Variants in DSCAM observed in about 807,000 individuals in gnomAD.
The protein encoded by DSCAM is DS cell adhesion molecule.
Under a neutral mutation model 217.7 loss-of-function variants are expected in DSCAM, and 47 were observed. That is an observed-to-expected ratio of 0.22 (90% CI 0.17 to 0.28). The LOEUF (loss-of-function observed/expected upper bound fraction) is 0.28, where lower values mean the gene tolerates loss of function less well. DSCAM is among the 10% of genes least tolerant of loss of function. The pLI is 1.00. For missense variants in DSCAM, 2,080 were observed against 2,618.3 expected (o/e 0.79, Z 4.49); for synonymous variants, 1,056 against 1,015.3 (o/e 1.04, Z -0.76).
intron 3 of DSCAM, among the ~76,000 whole-genome samples, chr21:40,406,388 C>G (rs1487013163): frequency 6.6e-6 from 1 of 152,194 alleles, no homozygotes; most frequent in Non-Finnish European, 1.5e-5. Context: ...AGCCAAGATA[C>G]AGAATCAACC....
chr21:40,834,355 A>C (rs2092037894), intron 1 of DSCAM, among the ~76,000 whole-genome samples: 1 of 150,728 alleles, frequency 6.6e-6, no homozygotes, highest in South Asian at 2.1e-4. Flanking sequence ...TGCAGTGAGC[A>C]GAGATCACGC....
chr21:40,806,477 C>G (rs1221543035), intron 1 of DSCAM, among the ~76,000 whole-genome samples: 1 of 152,134 alleles, frequency 6.6e-6, no homozygotes, highest in African/African-American at 2.4e-5. Flanking sequence ...GCTACACAAG[C>G]GTCTTTGAAT....
chr21:40,749,812 G>A (rs2091210045), intron 1 of DSCAM, among the ~76,000 whole-genome samples: 1 of 152,180 alleles, frequency 6.6e-6, no homozygotes, highest in South Asian at 2.1e-4. Context: ...GCTGAGAGAT[G>A]GAACTGACTT....
intron 1 of DSCAM, among the ~76,000 whole-genome samples, chr21:40,782,004 A>AG (rs964188391): frequency 1.3e-5 from 2 of 149,630 alleles, no homozygotes; most frequent in African/African-American, 4.9e-5. Flanking sequence ...AAAAAAAAAA[A>AG]AAAAAAGAAA....
chr21:40,664,072 T>C (rs1191992670), intron 3 of DSCAM, among the ~76,000 whole-genome samples: 2 of 152,222 alleles, frequency 1.3e-5, no homozygotes, highest in African/African-American at 4.8e-5. Flanking sequence ...GCACAAATAA[T>C]GTATTTCTAT....
chr21:40,592,995 G>T (rs459696), intron 3 of DSCAM, among the ~76,000 whole-genome samples: 101,435 of 152,062 alleles, frequency 0.67, 34,049 homozygotes, highest in African/African-American at 0.72. Context: ...TACATTTGAC[G>T]AAGTTAAATG....
At chr21:40,527,916 CG>C (rs2076412692) in intron 3 of DSCAM, among the ~76,000 whole-genome samples, 1 of 152,092 alleles carries the variant, frequency 6.6e-6, no homozygotes, top group African/African-American at 2.4e-5. Context: ...GAAACAGGAG[CG>C]GATGCTCTAA....
chr21:40,146,001 T>C (rs1338818690), intron 16 of DSCAM, among the ~76,000 whole-genome samples: 1 of 151,450 alleles, frequency 6.6e-6, no homozygotes, highest in Non-Finnish European at 1.5e-5. Context: ...CATGTACATA[T>C]GTATGTATAT....
At chr21:40,668,746 G>A (rs2090233783) in intron 3 of DSCAM, among the ~76,000 whole-genome samples, 1 of 152,164 alleles carries the variant, frequency 6.6e-6, no homozygotes, top group African/African-American at 2.4e-5. Flanking sequence ...ACAGTGAGCT[G>A]CATGTCATAT....
chr21:40,402,145 C>T (rs1009109721), intron 3 of DSCAM, among the ~76,000 whole-genome samples: 3 of 144,094 alleles, frequency 2.1e-5, no homozygotes, highest in Non-Finnish European at 3.0e-5. Context: ...CTGCAAGCTC[C>T]GCCTCCTGGG....
chr21:40,453,040 TTGTGTGTG>T (rs3069917), intron 3 of DSCAM, among the ~76,000 whole-genome samples: 8,579 of 134,278 alleles, frequency 0.064, 303 homozygotes, highest in Non-Finnish European at 0.076. Flanking sequence ...TTTAAAGACT[TTGTGTGTG>T]TGTGTGTGTG....
In DSCAM at chr21:40,473,829, C is replaced by A. The variant is rs950545985; in HGVS notation, c.509-104584G>T. Among the ~76,000 whole-genome samples, 23 of 152,122 alleles carry A rather than the reference C, an allele frequency of 1.5e-4. 1 individual carries two copies. Among genetic ancestry groups the A allele is most frequent in the African/African-American group, 5.6e-4 (23 of 41,406 alleles). On this transcript the variant is annotated intron_variant, in intron 3 of 32. Transcript: ENST00000400454. ...CACACGGAGGACAACCACGTTAGGACACAGAGAGGAGGTGCCATCTACAGT... is the reference window on the plus strand; with the variant it reads ...CACACGGAGGACAACCACGTTAGGAAACAGAGAGGAGGTGCCATCTACAGT...
intron 3 of DSCAM, among the ~76,000 whole-genome samples, chr21:40,405,309 T>C (rs1399042677): frequency 6.6e-6 from 1 of 152,216 alleles, no homozygotes; most frequent in Non-Finnish European, 1.5e-5. Context: ...ATATAATATC[T>C]ATGCATGCAC....
rs374741123 is a variant in DSCAM at position 40,437,996 on chromosome 21, T to A, written c.509-68751A>T. ...GTCTGACCCTATGTCCTACCCTGTA[T>A]TGACCTTGAAGCTGCCTTCTTGCTC... On this transcript the variant is annotated intron_variant, in intron 3 of 32. Transcript: ENST00000400454. 2.5e-3 allele frequency among the ~76,000 whole-genome samples: 383 copies of A among 152,356 alleles called. 5 individuals carry two copies. Among genetic ancestry groups the A allele is most frequent in the African/African-American group, 8.8e-3 (364 of 41,586 alleles).
intron 3 of DSCAM, among the ~76,000 whole-genome samples, chr21:40,449,464 TGAAAA>T (rs1204652804): frequency 1.3e-5 from 2 of 152,166 alleles, no homozygotes; most frequent in African/African-American, 2.4e-5. Flanking sequence ...AAATGAAAGA[TGAAAA>T]GAAAACATCC....
chr21:40,156,287 C>CAGCGAG (rs1367145598), intron 16 of DSCAM, among the ~76,000 whole-genome samples: 1 of 75,700 alleles, frequency 1.3e-5, no homozygotes. Flanking sequence ...CAAACTAAGA[C>CAGCGAG]AGAGAGAGAG....
chr21:40,677,286 T>G (rs2079727746), intron 3 of DSCAM, among the ~76,000 whole-genome samples: 1 of 151,854 alleles, frequency 6.6e-6, no homozygotes, highest in African/African-American at 2.4e-5. Context: ...AGAGTGTGGC[T>G]GAAGGTTTCA....
chr21:40,130,997 C>T (rs753474964), intron 19 of DSCAM, among the ~76,000 whole-genome samples: 4 of 152,252 alleles, frequency 2.6e-5, no homozygotes, highest in East Asian at 3.9e-4. Flanking sequence ...CTTGCAAGAA[C>T]GTTGATAAAC....
chr21:40,476,033 C>T (rs796236043), intron 3 of DSCAM, among the ~76,000 whole-genome samples: 13 of 152,268 alleles, frequency 8.5e-5, no homozygotes, highest in African/African-American at 3.1e-4. Context: ...GTGCTTCACT[C>T]CCATGCTGTA....
Sources: gnomAD v4.1 joint callset for allele counts (sites outside exome capture counted in the v4.1 genomes callset) on GRCh38, gnomAD v4.1.1 for gene constraint, MANE v1.5 for transcripts, NCBI Gene and HGNC (gene_info 2026-07-23, HGNC 2026-07-21) for gene names.